The following CCSER1 variants were observed in gnomAD, a reference collection of about 807,000 sequenced individuals.
CCSER1 encodes the protein serine-rich coiled-coil domain-containing protein 1.
A neutral mutation model predicts 82.0 loss-of-function variants in CCSER1; 41 were observed. The observed-to-expected ratio is 0.50, with a 90% CI of 0.39 to 0.65. The LOEUF (loss-of-function observed/expected upper bound fraction) is 0.65, where lower values mean the gene tolerates loss of function less well. Among genes scored for constraint, CCSER1 ranks in the 30% least tolerant of loss-of-function variants. The pLI, the probability that CCSER1 is intolerant of heterozygous loss-of-function variation, is 0.00. For synonymous variants in CCSER1, 414 were observed against 383.9 expected, an observed-to-expected ratio of 1.08 and a Z score of -0.92; for missense variants, 1,119 against 1,064.2, an observed-to-expected ratio of 1.05 and a Z score of -0.72.
At chr4:91,268,665 G>C (rs977875551) in intron 10 of CCSER1, among the ~76,000 whole-genome samples, 1 of 152,164 alleles carries the variant, frequency 6.6e-6, no homozygotes, top group Non-Finnish European at 1.5e-5. Context: ...AAGGGAGATA[G>C]GGGTGGGGCT....
chr4:91,287,498 C>A (rs1743373177), intron 10 of CCSER1, among the ~76,000 whole-genome samples: 1 of 151,934 alleles, frequency 6.6e-6, no homozygotes. Flanking sequence ...TAGGACCAAG[C>A]TTCCACAGTA....
chr4:91,522,429 TG>T (rs1760527997), intron 10 of CCSER1, among the ~76,000 whole-genome samples: 1 of 152,226 alleles, frequency 6.6e-6, no homozygotes, highest in Admixed American at 6.5e-5. Flanking sequence ...GGTAGCTTGA[TG>T]GGGATGGCAC....
At chr4:90,318,182 C>T (rs1343624348) in intron 3 of CCSER1, among the ~76,000 whole-genome samples, 1 of 152,152 alleles carries the variant, frequency 6.6e-6, no homozygotes, top group Non-Finnish European at 1.5e-5. Flanking sequence ...TTCATATATA[C>T]TACAGGTTTT....
intron 3 of CCSER1, among the ~76,000 whole-genome samples, chr4:90,396,691 G>A (rs1363670337): frequency 1.3e-5 from 2 of 151,660 alleles, no homozygotes; most frequent in African/African-American, 4.8e-5. Flanking sequence ...CATCTAAGTT[G>A]CTTTCCTTAT....
intron 8 of CCSER1, among the ~76,000 whole-genome samples, chr4:90,833,544 G>A (rs562714274): frequency 6.6e-6 from 1 of 152,008 alleles, no homozygotes; most frequent in East Asian, 1.9e-4. Flanking sequence ...ACTTAATGAT[G>A]AGCTATTTGT....
intron 8 of CCSER1, among the ~76,000 whole-genome samples, chr4:90,872,005 A>C (rs1415527895): frequency 6.6e-6 from 1 of 150,436 alleles, no homozygotes; most frequent in Admixed American, 6.6e-5. Flanking sequence ...TCTGCTTTTC[A>C]TTTTCATGGA....
At chr4:90,137,493 G>A (rs1003092804) in intron 1 of CCSER1, among the ~76,000 whole-genome samples, 2 of 152,176 alleles carry the variant, frequency 1.3e-5, no homozygotes, top group African/African-American at 4.8e-5. Context: ...TATCCAGTGA[G>A]GAGAAGGAAG....
At chr4:91,311,942 G>C (rs1037478070) in intron 10 of CCSER1, among the ~76,000 whole-genome samples, 1 of 151,776 alleles carries the variant, frequency 6.6e-6, no homozygotes, top group African/African-American at 2.4e-5. Flanking sequence ...TATAATTCTG[G>C]TTAGTAACTC....
intron 10 of CCSER1, among the ~76,000 whole-genome samples, chr4:91,566,668 G>T (rs989820299): frequency 4.6e-5 from 7 of 152,076 alleles, no homozygotes; most frequent in South Asian, 2.1e-4. Context: ...TTTCTAGTTT[G>T]TGTGTGTAGA....
At chr4:91,082,713 A>G (rs943340697) in intron 9 of CCSER1, among the ~76,000 whole-genome samples, 2 of 152,114 alleles carry the variant, frequency 1.3e-5, no homozygotes, top group African/African-American at 4.8e-5. Flanking sequence ...CAGATTTACA[A>G]GAAAAAATCA....
At chr4:91,289,855 GA>G (rs1743612419) in intron 10 of CCSER1, among the ~76,000 whole-genome samples, 1 of 151,902 alleles carries the variant, frequency 6.6e-6, no homozygotes, top group Non-Finnish European at 1.5e-5. Context: ...CCAAATTATA[GA>G]TCCAAGAAGC....
chr4:91,105,661 A>G (rs562193966), intron 10 of CCSER1, among the ~76,000 whole-genome samples: 2 of 152,198 alleles, frequency 1.3e-5, no homozygotes, highest in South Asian at 4.1e-4. Context: ...ATGAGATCAC[A>G]CCACTACACT....
At chr4:91,394,846 C>A (rs1751869485) in intron 10 of CCSER1, among the ~76,000 whole-genome samples, 1 of 150,854 alleles carries the variant, frequency 6.6e-6, no homozygotes, top group African/African-American at 2.5e-5. Flanking sequence ...AATTTGCTAT[C>A]CCACTGTTTT....
At chr4:91,428,174 C>T (rs571310823) in intron 10 of CCSER1, among the ~76,000 whole-genome samples, 5 of 152,150 alleles carry the variant, frequency 3.3e-5, no homozygotes, top group Admixed American at 1.3e-4. Context: ...TAGCATTTTA[C>T]AGCCACATAA....
intron 8 of CCSER1, among the ~76,000 whole-genome samples, chr4:90,841,813 GT>G (rs1271835848): frequency 6.6e-6 from 1 of 152,072 alleles, no homozygotes; most frequent in Non-Finnish European, 1.5e-5. Flanking sequence ...CTCTGGAAGT[GT>G]GTCTGACTCT....
chr4:90,164,262 T>C (rs1201741038), intron 1 of CCSER1, among the ~76,000 whole-genome samples: 2 of 152,070 alleles, frequency 1.3e-5, no homozygotes, highest in African/African-American at 4.8e-5. Flanking sequence ...CTTAAGGTTT[T>C]TTTTTTTTTC....
chr4:91,397,066 C>T (rs761453117), intron 10 of CCSER1, among the ~76,000 whole-genome samples: 15 of 152,038 alleles, frequency 9.9e-5, no homozygotes, highest in Admixed American at 2.6e-4. Context: ...TGTTTATCCT[C>T]TATGTTAAAA....
chr4:90,186,731 CTG>C (rs1734687471), intron 1 of CCSER1, among the ~76,000 whole-genome samples: 1 of 151,886 alleles, frequency 6.6e-6, no homozygotes, highest in Non-Finnish European at 1.5e-5. Context: ...TAGGTAAAAA[CTG>C]TAAAGTGTAC....
intron 5 of CCSER1, among the ~76,000 whole-genome samples, chr4:90,589,459 T>A (rs370087939): frequency 6.6e-6 from 1 of 152,102 alleles, no homozygotes; most frequent in Non-Finnish European, 1.5e-5. Flanking sequence ...ATTTGAAAAC[T>A]TGGATTTTTA....
Sources: gnomAD v4.1 joint callset for allele counts (sites outside exome capture counted in the v4.1 genomes callset) on GRCh38, gnomAD v4.1.1 for gene constraint, MANE v1.5 for transcripts, NCBI Gene and HGNC (gene_info 2026-07-23, HGNC 2026-07-21) for gene names.